The following EIF3D variants were observed in gnomAD, a reference collection of about 807,000 sequenced individuals.
EIF3D encodes eukaryotic translation initiation factor 3 subunit D, also known as eIF3 p66.
Under a neutral mutation model 75.4 loss-of-function variants are expected in EIF3D, and 10 were observed. The ratio of observed to expected loss-of-function variants is 0.13; its 90% CI spans 0.08 to 0.22. The LOEUF is 0.22. Among genes scored for constraint, EIF3D ranks in the 10% least tolerant of loss-of-function variants. The pLI, the probability that EIF3D is intolerant of heterozygous loss-of-function variation, is 1.00. For synonymous variants in EIF3D, 246 were observed against 248.3 expected, an observed-to-expected ratio of 0.99 and a Z score of 0.09; for missense variants, 394 against 708.0, an observed-to-expected ratio of 0.56 and a Z score of 5.03.
In EIF3D at chr22:36,519,819, G is replaced by A. The variant is rs117976811; in HGVS notation, c.579-282C>T. On this transcript the variant is annotated intron_variant, in intron 7 of 14. Transcript: ENST00000216190. ...GATGACTAGTTATAGAAGCACCTGGGTAGGCTGACTTCTCGTCTGGTGCTC... is the reference window on the plus strand; with the variant it reads ...GATGACTAGTTATAGAAGCACCTGGATAGGCTGACTTCTCGTCTGGTGCTC... Among the ~76,000 whole-genome samples, 9 of 152,296 alleles carry A rather than the reference G, an allele frequency of 5.9e-5. No individual in the cohort carries two copies. The East Asian group carries it at 1.7e-3, about 29-fold the overall frequency.
At chr22:36,519,205 A>T (rs1292961782) in intron 8 of EIF3D, among the ~76,000 whole-genome samples, 200 bp downstream of exon 8, 3 of 152,264 alleles carry the variant, frequency 2.0e-5, no homozygotes, top group African/African-American at 7.2e-5. Context: ...CTAAGGCTCC[A>T]GAGACTAAGC....
chr22:36,519,576 G>A (rs1255944019), intron 7 of EIF3D, 39 bp from the exon 8 acceptor site: 1 of 1,609,318 alleles, frequency 6.2e-7, no homozygotes, highest in East Asian at 2.2e-5. Context: ...AAGTAAGAGA[G>A]ATAACCCCCA....
At chr22:36,517,778 T>A (rs1439743200) in intron 9 of EIF3D, among the ~76,000 whole-genome samples, 1 of 152,122 alleles carries the variant, frequency 6.6e-6, no homozygotes, top group Admixed American at 6.6e-5. Flanking sequence ...GATGGAGTCT[T>A]GCTCTGTCAC....
chr22:36,519,060 C>T lies in EIF3D; in HGVS notation c.712-150G>A, dbSNP rs576535360. ...GACCAAAAACACTGCAGCCAGTGAGCCAGCAAGTTTCGGGTGGCAGTGGCA... is the reference window on the plus strand; with the variant it reads ...GACCAAAAACACTGCAGCCAGTGAGTCAGCAAGTTTCGGGTGGCAGTGGCA... On this transcript the variant is annotated intron_variant, in intron 8 of 14. Coordinates refer to ENST00000216190, the MANE Select transcript of EIF3D (RefSeq NM_003753.4). 101 of 1,137,524 alleles carry T rather than the reference C, an allele frequency of 8.9e-5. No individual in the cohort carries two copies. The African/African-American group carries it at 1.2e-3, about 14-fold the overall frequency. 70.5% of individuals were successfully genotyped at this position (1,137,524 alleles called of 1,614,324 possible).
At chr22:36,512,398 C>T in intron 13 of EIF3D, 62 bp downstream of exon 13, 1 of 1,591,674 alleles carries the variant, frequency 6.3e-7, no homozygotes, top group African/African-American at 1.3e-5. Flanking sequence ...GGAGGGTCAA[C>T]CTCCCTACCC....
intron 12 of EIF3D, chr22:36,516,204 A>C: frequency 3.0e-6 from 1 of 330,644 alleles, no homozygotes. Context: ...GAGATGAAGA[A>C]AGTACTGGAA....
In EIF3D at chr22:36,510,867, A is replaced by G; in HGVS notation, c.*120T>C. On this transcript the variant is annotated 3_prime_UTR_variant, in exon 15 of 15. Transcript: ENST00000216190. ...GCAGACGATGAGGGAAAGACTAAAC[A>G]GATATATATTTTATTTCATCTGCTA... 6.6e-6 allele frequency: 8 copies of G among 1,211,056 alleles called. No homozygotes were observed. Among genetic ancestry groups the G allele is most frequent in the Non-Finnish European group, 9.0e-6 (8 of 885,486 alleles). 75.0% of individuals were successfully genotyped at this position (1,211,056 alleles called of 1,614,324 possible).
chr22:36,527,825 T>C (rs9610529), intron 1 of EIF3D, among the ~76,000 whole-genome samples: 46,620 of 152,060 alleles, frequency 0.31, 9,150 homozygotes, highest in African/African-American at 0.56. Flanking sequence ...AAAAATCAAA[T>C]GTTTCTTGGA....
chr22:36,519,786 A>G (rs1934484281), intron 7 of EIF3D, among the ~76,000 whole-genome samples: 1 of 152,212 alleles, frequency 6.6e-6, no homozygotes, highest in South Asian at 2.1e-4. Flanking sequence ...ACCGAGGCTA[A>G]GACAGGAGAT....
intron 12 of EIF3D, chr22:36,516,198 T>C: frequency 6.4e-6 from 2 of 314,244 alleles, no homozygotes; most frequent in Non-Finnish European, 1.2e-5. Context: ...GGAACAGAGA[T>C]GAAGAAAGTA....
intron 2 of EIF3D, 78 bp downstream of exon 2, chr22:36,525,921 G>A (rs1209205788): frequency 2.6e-6 from 4 of 1,531,324 alleles, no homozygotes; most frequent in Non-Finnish European, 3.5e-6. Flanking sequence ...AAGATTTTGA[G>A]ACAATAAAAT....
chr22:36,524,789 C>G, intron 3 of EIF3D, 57 bp from the exon 4 acceptor site: 1 of 1,611,000 alleles, frequency 6.2e-7, no homozygotes, highest in South Asian at 1.1e-5. Context: ...ACCAGATATG[C>G]ACCAGTCTAA....
chr22:36,522,753 G>A (rs1047740894), intron 6 of EIF3D, among the ~76,000 whole-genome samples: 4 of 152,132 alleles, frequency 2.6e-5, no homozygotes, highest in Non-Finnish European at 5.9e-5. Flanking sequence ...TAAGAGATTA[G>A]GTCGTTAAAA....
At chr22:36,522,837 C>T (rs535833414) in intron 6 of EIF3D, among the ~76,000 whole-genome samples, 1 of 152,226 alleles carries the variant, frequency 6.6e-6, no homozygotes, top group Non-Finnish European at 1.5e-5. Context: ...TCTGTTGCAC[C>T]CTGCTCCCGC....
In EIF3D at chr22:36,528,951, C is replaced by G. The variant is rs564984741; in HGVS notation, c.-11+125G>C. 3.8e-5 allele frequency: 9 copies of G among 235,748 alleles called. No homozygotes were observed. In the East Asian group the frequency reaches 5.5e-4, roughly 14 times the overall value. 14.6% of individuals were successfully genotyped at this position (235,748 alleles called of 1,614,324 possible). ...CCCGAAAGTGGATTCCTGCCCCGCC[C>G]AGCGGAGGGACGGCAACAGCAGGAA... On this transcript the variant is annotated intron_variant, in intron 1 of 14. Transcript: ENST00000216190.
intron 7 of EIF3D, among the ~76,000 whole-genome samples, chr22:36,520,232 C>T (rs955044044): frequency 2.0e-5 from 3 of 151,894 alleles, no homozygotes; most frequent in Admixed American, 2.0e-4. Flanking sequence ...TCTCAGCTCA[C>T]TGCAACCTCC....
intron 6 of EIF3D, 60 bp from the exon 7 acceptor site, chr22:36,520,748 A>G: frequency 1.6e-6 from 2 of 1,242,518 alleles, no homozygotes; most frequent in South Asian, 2.5e-5. Context: ...CATAAATAAA[A>G]GACAGGCTAA....
At position 36,516,467 on chromosome 22, in the gene EIF3D, TGGC is replaced by T; in HGVS notation, c.1206+8_1206+10del. 1 of 1,612,610 alleles carries T rather than the reference TGGC, an allele frequency of 6.2e-7. No individual in the cohort carries two copies. The highest frequency in any genetic ancestry group is 8.5e-7 in the Non-Finnish European group (1 of 1,178,842). On this transcript the variant is annotated splice_region_variant and intron_variant, in intron 12 of 14. Transcript: ENST00000216190. Reference sequence around the variant, plus strand: ...GGTGTCACCAGGAGGGTGATGGAGATGGCGGCTCACCCTGGAATCCCACTCATT... The same window carrying T: ...GGTGTCACCAGGAGGGTGATGGAGATGGCTCACCCTGGAATCCCACTCATT...
At chr22:36,517,576 G>T in intron 9 of EIF3D, 145 bp from the exon 10 acceptor site, 1 of 898,138 alleles carries the variant, frequency 1.1e-6, no homozygotes, top group Non-Finnish European at 1.6e-6. Flanking sequence ...TCCCTGGTGT[G>T]GAACACATAA....
Sources: gnomAD v4.1 joint callset for allele counts (sites outside exome capture counted in the v4.1 genomes callset) on GRCh38, gnomAD v4.1.1 for gene constraint, MANE v1.5 for transcripts, NCBI Gene and HGNC (gene_info 2026-07-23, HGNC 2026-07-21) for gene names.